Variants in ITGA2 observed in about 807,000 individuals in gnomAD.
ITGA2 encodes the protein integrin alpha-2.
ITGA2 carries 101 observed loss-of-function variants against 146.3 expected under a neutral mutation model. The observed-to-expected ratio is 0.69, with a 90% CI of 0.59 to 0.81. The LOEUF is 0.81. Ranked by LOEUF, ITGA2 falls within the 40% of genes least tolerant of loss-of-function variation. ITGA2 has a pLI of 0.00. For missense variants in ITGA2, 1,281 were observed against 1,402.7 expected, an observed-to-expected ratio of 0.91 and a Z score of 1.39; for synonymous variants, 477 against 487.1, an observed-to-expected ratio of 0.98 and a Z score of 0.27.
intron 16 of ITGA2, among the ~76,000 whole-genome samples, chr5:53,068,832 T>G (rs1745260374): frequency 1.3e-5 from 2 of 150,960 alleles, no homozygotes; most frequent in Non-Finnish European, 3.0e-5. Flanking sequence ...ATTAATAACA[T>G]AGCCCATGAA....
intron 1 of ITGA2, among the ~76,000 whole-genome samples, chr5:53,018,177 T>G (rs1742490834): frequency 6.6e-6 from 1 of 152,098 alleles, no homozygotes; most frequent in Non-Finnish European, 1.5e-5. Flanking sequence ...TCTGTCCGGG[T>G]CCAACAGTCA....
At chr5:52,996,458 A>G (rs953459853) in intron 1 of ITGA2, among the ~76,000 whole-genome samples, 5 of 152,194 alleles carry the variant, frequency 3.3e-5, no homozygotes, top group African/African-American at 1.2e-4. Context: ...GCAGGTTATC[A>G]TGGGAAGGTA....
intron 2 of ITGA2, 97 bp downstream of exon 2, chr5:53,026,965 A>G (rs920732907): frequency 9.4e-6 from 10 of 1,064,298 alleles, no homozygotes; most frequent in Non-Finnish European, 1.4e-5. Context: ...TGACTGTACT[A>G]TAAATGGGTG....
At chr5:53,069,820 G>A (rs975851022) in intron 16 of ITGA2, among the ~76,000 whole-genome samples, 4 of 151,772 alleles carry the variant, frequency 2.6e-5, no homozygotes, top group Non-Finnish European at 5.9e-5. Context: ...ATTTGCCCAG[G>A]TTCATCACAG....
At chr5:53,011,297 C>G (rs1380367140) in intron 1 of ITGA2, among the ~76,000 whole-genome samples, 1 of 152,126 alleles carries the variant, frequency 6.6e-6, no homozygotes, top group Non-Finnish European at 1.5e-5. Context: ...GTTGAATTTT[C>G]TTCCTTAACT....
chr5:53,035,078 CAGTTTACA>C (rs1743421321), intron 2 of ITGA2, among the ~76,000 whole-genome samples: 1 of 152,134 alleles, frequency 6.6e-6, no homozygotes. Flanking sequence ...AGCTATAAAG[CAGTTTACA>C]AATGTTGCTA....
At chr5:53,004,902 T>G (rs1412662290) in intron 1 of ITGA2, among the ~76,000 whole-genome samples, 23 of 16,574 alleles carry the variant, frequency 1.4e-3, no homozygotes, top group African/African-American at 2.4e-3. Flanking sequence ...TTGTTTTTTT[T>G]TTTTTTTTTT....
At chr5:53,082,195 C>T (rs1054759895) in intron 26 of ITGA2, among the ~76,000 whole-genome samples, 3 of 152,156 alleles carry the variant, frequency 2.0e-5, no homozygotes, top group Non-Finnish European at 2.9e-5. Context: ...ATGCCTGCTT[C>T]TTTGGGAAAG....
At chr5:53,055,487 A>T (rs1367025220) in intron 7 of ITGA2, 51 bp from the exon 8 acceptor site, 2 of 1,565,992 alleles carry the variant, frequency 1.3e-6, no homozygotes, top group East Asian at 4.5e-5. Context: ...AGGTTCTCAT[A>T]TTAACTTCAT....
chr5:53,077,349 A>G (rs1461164572), intron 23 of ITGA2, among the ~76,000 whole-genome samples: 4 of 152,032 alleles, frequency 2.6e-5, no homozygotes, highest in Non-Finnish European at 4.4e-5. Context: ...CTTAGCAACA[A>G]CTTTGATACT....
rs566931397 is a variant in ITGA2, at chr5:53,078,365, G to GTGGCTT, written c.2826-407_2826-406insTGGCTT. The stretch of plus-strand genomic sequence containing the variant: ...TATTATATTTTAGCCACACCAAAGT[G>GTGGCTT]AAAACCCCTGGCTTATAAATCCATT... On this transcript the variant is annotated intron_variant, in intron 23 of 29. Transcript: ENST00000296585. 1.4e-4 allele frequency among the ~76,000 whole-genome samples: 22 copies of GTGGCTT among 152,170 alleles called. No individual in the cohort carries two copies. In the East Asian group the frequency reaches 4.3e-3, roughly 30 times the overall value.
At chr5:53,010,338 A>T (rs1477586514) in intron 1 of ITGA2, among the ~76,000 whole-genome samples, 2 of 152,222 alleles carry the variant, frequency 1.3e-5, no homozygotes, top group East Asian at 3.8e-4. Flanking sequence ...AGAGGCTCGA[A>T]CAACAGAGGA....
intron 29 of ITGA2, 144 bp downstream of exon 29, chr5:53,090,206 T>G: frequency 1.4e-6 from 1 of 714,716 alleles, no homozygotes; most frequent in Non-Finnish European, 2.5e-6. Context: ...AATTTCTTAC[T>G]CATGTCATTA....
rs770261347 is a variant in ITGA2, at chr5:53,042,178, TG to T, written c.253del (p.Val85LeufsTer11). 54 of 1,613,292 alleles carry T rather than the reference TG, an allele frequency of 3.3e-5. No individual in the cohort carries two copies. The highest frequency in any genetic ancestry group is 3.1e-5 in the Non-Finnish European group (37 of 1,179,368). On this transcript the variant is annotated frameshift_variant, in exon 3 of 30. Coordinates refer to ENST00000296585, the MANE Select transcript of ITGA2 (RefSeq NM_002203.4). LOFTEE classifies it high-confidence loss of function. The stretch of plus-strand genomic sequence containing the variant: ...GAATGGGAGATGTGTATAAATGTCC[TG>T]TTGACCTATCCACTGCCACATGTGA... Reference protein sequence around the residue: ...NRMGDVYKCPVDLSTATCEKL... With the variant: ...NRMGDVYKCPXDLSTATCEKL...
At chr5:53,044,745 A>T (rs540184806) in intron 3 of ITGA2, among the ~76,000 whole-genome samples, 60 of 152,278 alleles carry the variant, frequency 3.9e-4, no homozygotes, top group African/African-American at 1.4e-3. Context: ...AATCATAATT[A>T]AACATCTATA....
intron 4 of ITGA2, among the ~76,000 whole-genome samples, chr5:53,046,346 C>G (rs1005362263): frequency 1.3e-5 from 2 of 151,858 alleles, no homozygotes; most frequent in African/African-American, 4.8e-5. Flanking sequence ...CAACGTCATT[C>G]TATTTTTACT....
intron 23 of ITGA2, among the ~76,000 whole-genome samples, chr5:53,075,875 G>C (rs932605342): frequency 1.3e-5 from 2 of 149,630 alleles, no homozygotes; most frequent in African/African-American, 5.0e-5. Context: ...AGGTGGAAAT[G>C]AGGTTTTTTC....
At chr5:53,053,405 G>A (rs753782900) in intron 7 of ITGA2, among the ~76,000 whole-genome samples, 6 of 152,236 alleles carry the variant, frequency 3.9e-5, no homozygotes, top group East Asian at 3.9e-4. Context: ...TAGGTGAAGC[G>A]CCCTTTCTGG....
At position 53,086,949 on chromosome 5, in the gene ITGA2, C is replaced by T. The variant is rs777126739; in HGVS notation, c.3259-3C>T. ...AAACATATTCCTTATTCTTATGTTC[C>T]AGTCAACGTTCCAGACAGTACAGCT... On this transcript the variant is annotated splice_polypyrimidine_tract_variant and splice_region_variant and intron_variant, in intron 27 of 29. Coordinates refer to ENST00000296585, the MANE Select transcript of ITGA2 (RefSeq NM_002203.4). The T allele has an allele frequency of 6.2e-7, 1 of 1,609,966 alleles. No individual in the cohort carries two copies. Among genetic ancestry groups the T allele is most frequent in the Non-Finnish European group, 8.5e-7 (1 of 1,176,334 alleles).
Sources: gnomAD v4.1 joint callset for allele counts (sites outside exome capture counted in the v4.1 genomes callset) on GRCh38, gnomAD v4.1.1 for gene constraint, MANE v1.5 for transcripts, NCBI Gene and HGNC (gene_info 2026-07-23, HGNC 2026-07-21) for gene names.